Variants in RBFOX1 observed in about 807,000 individuals in gnomAD.
RBFOX1 encodes RNA binding fox-1 homolog 1, also known as RNA binding protein fox-1 homolog 1.
In RBFOX1, 8 loss-of-function variants were observed where a neutral mutation model predicts 57.7. The observed-to-expected ratio is 0.14, with a 90% confidence interval of 0.08 to 0.25. The LOEUF (loss-of-function observed/expected upper bound fraction) is 0.25. RBFOX1 is among the 10% of genes least tolerant of loss of function. RBFOX1 has a pLI of 1.00. For synonymous variants in RBFOX1, 326 were observed against 222.4 expected (o/e 1.47, Z -4.15); for missense variants, 611 against 548.5 (o/e 1.11, Z -1.14).
chr16:6,224,262 T>A (rs1208048304), intron 1 of RBFOX1, among the ~76,000 whole-genome samples: 1 of 152,014 alleles, frequency 6.6e-6, no homozygotes, highest in Non-Finnish European at 1.5e-5. Context: ...GGTAGCTTGA[T>A]GGGGATGGCA....
intron 4 of RBFOX1, among the ~76,000 whole-genome samples, chr16:7,290,151 T>G (rs1240309966): frequency 6.6e-6 from 1 of 152,160 alleles, no homozygotes; most frequent in African/African-American, 2.4e-5. Context: ...ATAAGAGAGA[T>G]AAAAGGAGCA....
At chr16:5,401,200 G>C (rs2066704807) in intron 1 of RBFOX1, among the ~76,000 whole-genome samples, 1 of 152,046 alleles carries the variant, frequency 6.6e-6, no homozygotes, top group African/African-American at 2.4e-5. Context: ...AATTTTTATA[G>C]TCAGTTTTTA....
chr16:7,653,709 G>A (rs2065621956), intron 11 of RBFOX1, 106 bp from the exon 12 acceptor site: 3 of 1,511,224 alleles, frequency 2.0e-6, no homozygotes, highest in Non-Finnish European at 2.7e-6. Context: ...CGGGGGTCCT[G>A]CTGGGACCCT....
intron 2 of RBFOX1, among the ~76,000 whole-genome samples, chr16:6,367,359 C>T (rs1260845024): frequency 1.3e-5 from 2 of 152,128 alleles, no homozygotes; most frequent in African/African-American, 2.4e-5. Flanking sequence ...CAACCTCTGC[C>T]TCCCGGGTTC....
At chr16:5,799,123 G>A (rs553830850) in intron 3 of RBFOX1, among the ~76,000 whole-genome samples, 1 of 152,242 alleles carries the variant, frequency 6.6e-6, no homozygotes, top group Admixed American at 6.5e-5. Flanking sequence ...GGTGGCAGGT[G>A]AAAGGCACAT....
rs58775805 is a variant in RBFOX1 at position 6,482,743 on chromosome 16, G to A, written c.-64+165686G>A. On this transcript the variant is annotated intron_variant, in intron 2 of 15. Transcript: ENST00000550418. Reference sequence around the variant, plus strand: ...GGATGAAAGCCTAGCTGTTTGGGGCGGGAGGCGAGATTGGGGGCGCGGTGC... The same window carrying A: ...GGATGAAAGCCTAGCTGTTTGGGGCAGGAGGCGAGATTGGGGGCGCGGTGC... 2.0e-5 allele frequency among the ~76,000 whole-genome samples: 3 copies of A among 152,086 alleles called. No individual in the cohort carries two copies. In the East Asian group the frequency reaches 5.8e-4, roughly 29 times the overall value.
At chr16:6,771,874 C>G (rs896061674) in intron 3 of RBFOX1, among the ~76,000 whole-genome samples, 1 of 152,110 alleles carries the variant, frequency 6.6e-6, no homozygotes, top group Non-Finnish European at 1.5e-5. Context: ...TGTGTCTTTT[C>G]CCTTCTCCCC....
chr16:7,627,817 C>G (rs551439066), intron 10 of RBFOX1, among the ~76,000 whole-genome samples: 2 of 152,034 alleles, frequency 1.3e-5, no homozygotes, highest in Non-Finnish European at 2.9e-5. Context: ...TAAGTACTTT[C>G]CAAATTAAAT....
intron 3 of RBFOX1, among the ~76,000 whole-genome samples, chr16:6,883,079 A>G (rs1240087141): frequency 6.6e-6 from 1 of 152,194 alleles, no homozygotes; most frequent in Admixed American, 6.5e-5. Flanking sequence ...TTCTCAAACC[A>G]TTATTAATGA....
intron 3 of RBFOX1, among the ~76,000 whole-genome samples, chr16:5,766,527 G>A (rs552381948): frequency 6.6e-6 from 1 of 152,180 alleles, no homozygotes; most frequent in East Asian, 1.9e-4. Flanking sequence ...AGAGGTTGCA[G>A]TGAGCCGAGA....
intron 2 of RBFOX1, among the ~76,000 whole-genome samples, chr16:6,439,998 A>T (rs1440478816): frequency 2.4e-5 from 2 of 84,588 alleles, no homozygotes; most frequent in African/African-American, 5.2e-5. Context: ...CCCAGGCTGG[A>T]GTGCCTCAGC....
intron 4 of RBFOX1, among the ~76,000 whole-genome samples, chr16:5,960,033 T>G (rs111336930): frequency 0.013 from 1,905 of 152,136 alleles, 46 homozygotes; most frequent in African/African-American, 0.041. Context: ...AAACCCCGTC[T>G]CTACTATAAA....
Position 5,481,768 on chromosome 16 carries a change from G to A in RBFOX1, c.258+14514G>A, listed in dbSNP as rs540691765. 7.4e-4 allele frequency among the ~76,000 whole-genome samples: 113 copies of A among 152,290 alleles called. 1 individual carries two copies. The highest frequency in any genetic ancestry group is 2.3e-3 in the African/African-American group (96 of 41,568). ...GAGGCTGCGAGTATGAGACCAAGGT[G>A]TCAGCATGTTGGTTCCTTCTGAGCC... On this transcript the variant is annotated intron_variant, in intron 2 of 2. Transcript: ENST00000585867.
intron 1 of RBFOX1, among the ~76,000 whole-genome samples, chr16:5,284,451 A>C (rs566927513): frequency 6.6e-6 from 1 of 151,930 alleles, no homozygotes; most frequent in Non-Finnish European, 1.5e-5. Context: ...TTGCTTCCCA[A>C]TGTAGGACTC....
chr16:7,454,155 C>A (rs1319861468), intron 4 of RBFOX1, among the ~76,000 whole-genome samples: 1 of 152,192 alleles, frequency 6.6e-6, no homozygotes, highest in East Asian at 1.9e-4. Context: ...ATCGCTTGAA[C>A]TCAGGAGGCT....
intron 3 of RBFOX1, among the ~76,000 whole-genome samples, chr16:6,946,704 G>C (rs2079595920): frequency 6.6e-6 from 1 of 152,228 alleles, no homozygotes; most frequent in South Asian, 2.1e-4. Context: ...CTGGGCTCAA[G>C]TGATCCTCTT....
At chr16:5,861,274 G>C (rs185525522) in intron 3 of RBFOX1, among the ~76,000 whole-genome samples, 1 of 152,176 alleles carries the variant, frequency 6.6e-6, no homozygotes, top group Non-Finnish European at 1.5e-5. Context: ...TTGGCTACAT[G>C]CTTACACCCC....
chr16:6,231,461 C>A (rs906531735), intron 1 of RBFOX1, among the ~76,000 whole-genome samples: 1 of 152,102 alleles, frequency 6.6e-6, no homozygotes, highest in Non-Finnish European at 1.5e-5. Flanking sequence ...GGATAGGGAG[C>A]CTCTTGGAGA....
chr16:5,871,057 C>G (rs62017073), intron 4 of RBFOX1, among the ~76,000 whole-genome samples: 4 of 152,140 alleles, frequency 2.6e-5, no homozygotes, highest in African/African-American at 9.6e-5. Context: ...TTTGCTAAAT[C>G]TGGACTTTGA....
Sources: allele counts gnomAD v4.1 joint callset (sites outside exome capture counted in the v4.1 genomes callset), GRCh38; gene constraint gnomAD v4.1.1; transcripts MANE v1.5; gene names NCBI Gene and HGNC (gene_info 2026-07-23, HGNC 2026-07-21).